The following AK5 variants were observed in gnomAD, a reference collection of about 807,000 sequenced individuals.
AK5 encodes the protein adenylate kinase 5.
Under a neutral mutation model 69.5 loss-of-function variants are expected in AK5, and 27 were observed. The observed-to-expected ratio is 0.39, with a 90% CI of 0.29 to 0.54. The LOEUF (loss-of-function observed/expected upper bound fraction) is 0.54, where lower values mean the gene tolerates loss of function less well. Ranked by LOEUF, AK5 falls within the 20% of genes least tolerant of loss-of-function variation. AK5 has a pLI of 0.71. For synonymous variants in AK5, 260 were observed against 244.4 expected, an observed-to-expected ratio of 1.06 and a Z score of -0.60; for missense variants, 531 against 700.4, an observed-to-expected ratio of 0.76 and a Z score of 2.73.
intron 10 of AK5, among the ~76,000 whole-genome samples, chr1:77,514,257 GTAATGGTACAC>G (rs1201028529): frequency 6.6e-6 from 1 of 152,108 alleles, no homozygotes; most frequent in Non-Finnish European, 1.5e-5. Flanking sequence ...CGAGCCTTGG[GTAATGGTACAC>G]TAAAAATGAG....
Position 77,282,065 on chromosome 1 carries a change from C to T in AK5, c.-249C>T, listed in dbSNP as rs1477606385. 5.4e-6 allele frequency: 2 copies of T among 370,532 alleles called. No individual in the cohort carries two copies. The highest frequency in any genetic ancestry group is 9.7e-6 in the Non-Finnish European group (2 of 206,910). The allele number at this position is 370,532 out of a possible 1,614,324, so 23.0% of individuals were successfully genotyped here. On this transcript the variant is annotated 5_prime_UTR_variant, in exon 1 of 14. Coordinates refer to ENST00000354567, the MANE Select transcript of AK5 (RefSeq NM_174858.3). ...CCCGGGAAGCCGCGGCACAGCTGCT[C>T]GGCGCCTGCAGCTCCGGCTCGGGGG...
In AK5 at chr1:77,350,565, G is replaced by A. The variant is rs115850882; in HGVS notation, c.891+9997G>A. Among the ~76,000 whole-genome samples the A allele has an allele frequency of 6.2e-3, 940 of 152,296 alleles. 8 individuals carry two copies. The highest frequency in any genetic ancestry group is 0.021 in the African/African-American group (874 of 41,566). ...TGAATGGAGGAAGCATCTGGAAGAG[G>A]CGTGACAAGGGCCTGGACTGGAATA... On this transcript the variant is annotated intron_variant, in intron 6 of 13. Transcript: ENST00000354567.
chr1:77,342,796 A>G (rs1661722644), intron 6 of AK5, among the ~76,000 whole-genome samples: 1 of 152,104 alleles, frequency 6.6e-6, no homozygotes, highest in African/African-American at 2.4e-5. Flanking sequence ...TCTGGGGGTT[A>G]ATAGATCAAA....
intron 7 of AK5, among the ~76,000 whole-genome samples, chr1:77,411,721 C>A (rs887081768): frequency 2.6e-5 from 4 of 152,174 alleles, no homozygotes; most frequent in Admixed American, 6.6e-5. Flanking sequence ...TCCTGACCTT[C>A]TTTCTTCTGA....
At chr1:77,475,253 T>C (rs1025238272) in intron 8 of AK5, among the ~76,000 whole-genome samples, 5 of 144,432 alleles carry the variant, frequency 3.5e-5, no homozygotes, top group Non-Finnish European at 7.5e-5. Context: ...AAAGGCTCCA[T>C]ATATAGATAT....
At chr1:77,343,285 T>A (rs1173918581) in intron 6 of AK5, among the ~76,000 whole-genome samples, 1 of 152,172 alleles carries the variant, frequency 6.6e-6, no homozygotes, top group African/African-American at 2.4e-5. Flanking sequence ...ACAGAGACCA[T>A]GTCCCTGTTT....
At chr1:77,401,061 C>T (rs1649183542) in intron 6 of AK5, among the ~76,000 whole-genome samples, 1 of 152,088 alleles carries the variant, frequency 6.6e-6, no homozygotes, top group Non-Finnish European at 1.5e-5. Context: ...CCATCTCACT[C>T]ACCACGTCCA....
intron 13 of AK5, among the ~76,000 whole-genome samples, chr1:77,537,794 A>G (rs1026527718): frequency 6.6e-6 from 1 of 152,244 alleles, no homozygotes; most frequent in African/African-American, 2.4e-5. Context: ...AGTCTGAAAG[A>G]TGCCTCTGCA....
chr1:77,361,699 A>T (rs1183389139), intron 6 of AK5, among the ~76,000 whole-genome samples: 1 of 152,208 alleles, frequency 6.6e-6, no homozygotes, highest in Non-Finnish European at 1.5e-5. Flanking sequence ...GCAGAAGGCA[A>T]AGAGGAGCAA....
chr1:77,438,306 A>G (rs1031741444), intron 8 of AK5, among the ~76,000 whole-genome samples: 6 of 143,744 alleles, frequency 4.2e-5, no homozygotes, highest in African/African-American at 7.6e-5. Flanking sequence ...AAAAAAAAAA[A>G]AAAAAAAAAA....
At chr1:77,533,379 G>C (rs1658756700) in intron 12 of AK5, among the ~76,000 whole-genome samples, 1 of 151,910 alleles carries the variant, frequency 6.6e-6, no homozygotes, top group Non-Finnish European at 1.5e-5. Flanking sequence ...AGCCGGGTGT[G>C]GTGGTGCACA....
At chr1:77,538,838 T>C (rs1176217714) in intron 13 of AK5, among the ~76,000 whole-genome samples, 1 of 152,180 alleles carries the variant, frequency 6.6e-6, no homozygotes, top group African/African-American at 2.4e-5. Flanking sequence ...GAGTACAGGG[T>C]TGAGTTCTCA....
At chr1:77,557,629 G>C (rs531855121) in intron 13 of AK5, among the ~76,000 whole-genome samples, 85 of 152,174 alleles carry the variant, frequency 5.6e-4, no homozygotes, top group African/African-American at 2.0e-3. Flanking sequence ...TGCGGTCCTA[G>C]TCTTTTGCTT....
intron 2 of AK5, among the ~76,000 whole-genome samples, chr1:77,289,058 C>T (rs1361786209): frequency 6.6e-6 from 1 of 152,204 alleles, no homozygotes; most frequent in Non-Finnish European, 1.5e-5. Context: ...ACCATACAAT[C>T]TATTCATAGA....
intron 6 of AK5, among the ~76,000 whole-genome samples, chr1:77,375,605 A>C (rs1188688331): frequency 6.6e-6 from 1 of 152,174 alleles, no homozygotes; most frequent in African/African-American, 2.4e-5. Flanking sequence ...ATCTTCAGCT[A>C]TTCTGCAAGT....
At chr1:77,283,751 TG>T (rs199518607) in intron 1 of AK5, 266 of 480,448 alleles carry the variant, frequency 5.5e-4, no homozygotes, top group South Asian at 2.0e-3. Context: ...TTGTTTTTTT[TG>T]TTTGTTTTTA....
chr1:77,302,872 G>A (rs1323884616), intron 5 of AK5, among the ~76,000 whole-genome samples: 1 of 152,146 alleles, frequency 6.6e-6, no homozygotes, highest in Non-Finnish European at 1.5e-5. Context: ...ATTGGAACAT[G>A]ACCTGCCTCC....
At chr1:77,286,124 A>G (rs764358176) in intron 1 of AK5, among the ~76,000 whole-genome samples, 4 of 152,158 alleles carry the variant, frequency 2.6e-5, no homozygotes, top group Non-Finnish European at 5.9e-5. Context: ...AACTAAAACC[A>G]ACAAAGTTTA....
chr1:77,376,209 G>T (rs1647229569), intron 6 of AK5, among the ~76,000 whole-genome samples: 1 of 152,042 alleles, frequency 6.6e-6, no homozygotes, highest in Non-Finnish European at 1.5e-5. Context: ...ACAGTAATTA[G>T]GGAACATGAC....
Sources: allele counts gnomAD v4.1 joint callset (sites outside exome capture counted in the v4.1 genomes callset), GRCh38; gene constraint gnomAD v4.1.1; transcripts MANE v1.5; gene names NCBI Gene and HGNC (gene_info 2026-07-23, HGNC 2026-07-21).